Variants in CATIP observed in about 807,000 individuals in gnomAD.
The protein encoded by CATIP is ciliogenesis associated TTC17 interacting protein.
In CATIP, 40 loss-of-function variants were observed where a neutral mutation model predicts 42.5. The ratio of observed to expected loss-of-function variants is 0.94; its 90% CI spans 0.73 to 1.22. The LOEUF (loss-of-function observed/expected upper bound fraction) is 1.22. Among genes scored for constraint, CATIP ranks in the 50% most tolerant of loss-of-function variants. CATIP has a pLI of 0.00. For synonymous variants in CATIP, 222 were observed against 200.2 expected, an observed-to-expected ratio of 1.11 and a Z score of -0.92; for missense variants, 489 against 496.0, an observed-to-expected ratio of 0.99 and a Z score of 0.13.
intron 4 of CATIP, among the ~76,000 whole-genome samples, chr2:218,359,832 T>C (rs1464317418): frequency 2.0e-5 from 3 of 151,844 alleles, no homozygotes; most frequent in African/African-American, 7.3e-5. Flanking sequence ...TTTATTATTA[T>C]TATTATTTTT....
At chr2:218,360,933 T>G (rs2106312146) in intron 5 of CATIP, among the ~76,000 whole-genome samples, 1 of 150,658 alleles carries the variant, frequency 6.6e-6, no homozygotes, top group South Asian at 2.1e-4. Context: ...CGGGTTCAAG[T>G]GATTCTCCTG....
intron 3 of CATIP, 103 bp downstream of exon 3, chr2:218,357,837 C>A: frequency 7.4e-7 from 1 of 1,347,046 alleles, no homozygotes. Context: ...TTGGCTTTGC[C>A]TTGGACCAGG....
chr2:218,362,283 C>T (rs1695263201), intron 5 of CATIP, among the ~76,000 whole-genome samples: 1 of 147,766 alleles, frequency 6.8e-6, no homozygotes, highest in African/African-American at 2.5e-5. Context: ...AACCTGGGAG[C>T]TGGAGGTTGC....
chr2:218,360,547 C>A, intron 4 of CATIP, 26 bp from the exon 5 acceptor site: 2 of 1,578,158 alleles, frequency 1.3e-6, no homozygotes, highest in Non-Finnish European at 8.7e-7. Context: ...AGTCCCTGAT[C>A]CTCCCCCGCA....
At chr2:218,367,685 C>G (rs1227008086) in intron 9 of CATIP, 37 bp from the exon 10 acceptor site, 3 of 1,577,698 alleles carry the variant, frequency 1.9e-6, no homozygotes, top group Non-Finnish European at 2.6e-6. Context: ...GCGCGGGGGT[C>G]CCGTCCGGCT....
rs1695483986 is a variant in CATIP, at chr2:218,367,302, C to T, written c.833-128C>T. On this transcript the variant is annotated intron_variant, in intron 8 of 9. Transcript: ENST00000289388. ...TCCTACTGGAAGTCCCTTCCTGCAA[C>T]TCTGCCCATGTGGGCAGAATCCTGG... 30 of 929,568 alleles carry T rather than the reference C, an allele frequency of 3.2e-5. 1 individual carries two copies. In the South Asian group the frequency reaches 4.3e-4, roughly 13 times the overall value. The allele number at this position is 929,568 out of a possible 1,614,324, so 57.6% of individuals were successfully genotyped here. A position where few individuals can be genotyped will look rare whatever the true frequency, so the allele number is the denominator to read the frequency against.
intron 7 of CATIP, 102 bp from the exon 8 acceptor site, chr2:218,366,922 C>T (rs1695463584): frequency 1.1e-6 from 1 of 892,350 alleles, no homozygotes; most frequent in Non-Finnish European, 1.8e-6. Context: ...CCCCAAAGCC[C>T]CTACCTCCAA....
chr2:218,363,493 A>AC (rs1325512237), intron 6 of CATIP, among the ~76,000 whole-genome samples: 254 of 143,730 alleles, frequency 1.8e-3, no homozygotes, highest in African/African-American at 6.1e-3. Flanking sequence ...CTCAAAAAAA[A>AC]AAAACAAAAA....
chr2:218,358,580 A>T (rs1308240601), intron 4 of CATIP, among the ~76,000 whole-genome samples: 1 of 150,012 alleles, frequency 6.7e-6, no homozygotes, highest in African/African-American at 2.5e-5. Flanking sequence ...ATTAAAAAAC[A>T]ATGAGGGTGG....
At chr2:218,358,675 T>C (rs978731506) in intron 4 of CATIP, among the ~76,000 whole-genome samples, 4 of 152,000 alleles carry the variant, frequency 2.6e-5, no homozygotes, top group African/African-American at 9.7e-5. Context: ...AGTTTGAGCC[T>C]GGGCAACATG....
At chr2:218,357,904 C>A in intron 3 of CATIP, 133 bp from the exon 4 acceptor site, 3 of 1,052,888 alleles carry the variant, frequency 2.8e-6, no homozygotes, top group Non-Finnish European at 4.4e-6. Flanking sequence ...GGGATGAGGG[C>A]ACATCTTACC....
rs548658879 is a variant in CATIP at position 218,361,077 on chromosome 2, C to T, written c.462+418C>T. ...AACTCCCGACCTCAGGTGATCCGCC[C>T]GCCTCAGCCTCCCAAAGTGCTGGGA... On this transcript the variant is annotated intron_variant, in intron 5 of 9. Coordinates refer to ENST00000289388, the MANE Select transcript of CATIP (RefSeq NM_198559.2). Among the ~76,000 whole-genome samples, 13 of 151,990 alleles carry T rather than the reference C, an allele frequency of 8.6e-5. No homozygotes were observed. In the South Asian group the frequency reaches 1.7e-3, roughly 19 times the overall value.
chr2:218,363,834 T>C (rs746646558), intron 6 of CATIP, among the ~76,000 whole-genome samples: 2 of 152,090 alleles, frequency 1.3e-5, no homozygotes, highest in Non-Finnish European at 2.9e-5. Context: ...TAAAAATAAA[T>C]CATTTTTTAA....
intron 5 of CATIP, 64 bp from the exon 6 acceptor site, chr2:218,362,671 C>A: frequency 6.6e-7 from 1 of 1,506,326 alleles, no homozygotes; most frequent in Non-Finnish European, 9.0e-7. Context: ...ACCTGGCTTG[C>A]CCACCCTCCT....
At chr2:218,357,830 G>C (rs1695088974) in intron 3 of CATIP, 96 bp downstream of exon 3, 1 of 1,395,030 alleles carries the variant, frequency 7.2e-7, no homozygotes, top group African/African-American at 1.4e-5. Flanking sequence ...CAAGCCCTTG[G>C]CTTTGCCTTG....
intron 6 of CATIP, among the ~76,000 whole-genome samples, chr2:218,363,837 T>C (rs1437638473): frequency 6.6e-6 from 1 of 152,154 alleles, no homozygotes; most frequent in Non-Finnish European, 1.5e-5. Flanking sequence ...AAATAAATCA[T>C]TTTTTAACTT....
At chr2:218,357,371 G>C in intron 2 of CATIP, 163 bp from the exon 3 acceptor site, 1 of 714,642 alleles carries the variant, frequency 1.4e-6, no homozygotes, top group East Asian at 2.7e-5. Context: ...CGGGGACATG[G>C]GGACATGGGG....
chr2:218,367,518 G>C lies in CATIP; in HGVS notation c.921G>C (p.Lys307Asn). Residue 307 changes from lysine (K) to asparagine (N), a missense_variant and splice_region_variant, in exon 9 of 10, where the codon AAG (lysine) becomes AAC (asparagine). Lys to Asn is a moderately conservative substitution (Grantham distance 94, BLOSUM62 0). Transcript: ENST00000289388. ...TCTATTCGAAGTTCCTGGACCGGAA[G>C]GTGAGGGGAGGCTCCACCAGCCTGG... ...MELYSKFLDR[K>N]EELRLGHASY... The C allele has an allele frequency of 6.2e-7, 1 of 1,614,114 alleles. No homozygotes were observed. Among genetic ancestry groups the C allele is most frequent in the Non-Finnish European group, 8.5e-7 (1 of 1,179,928 alleles).
intron 6 of CATIP, among the ~76,000 whole-genome samples, chr2:218,363,501 A>AAC (rs1695316278): frequency 7.1e-6 from 1 of 140,624 alleles, no homozygotes; most frequent in African/African-American, 2.7e-5. Context: ...AAAAAAACAA[A>AAC]AAAAAAAAAA....
Sources: allele counts gnomAD v4.1 joint callset (sites outside exome capture counted in the v4.1 genomes callset), GRCh38; gene constraint gnomAD v4.1.1; transcripts MANE v1.5; gene names NCBI Gene and HGNC (gene_info 2026-07-23, HGNC 2026-07-21).